NEB: variants seen among roughly 807,000 people sequenced by gnomAD.
The protein encoded by NEB is nemaline myopathy type 2.
A neutral mutation model predicts 952.2 loss-of-function variants in NEB; 512 were observed. That is an observed-to-expected ratio of 0.54 (90% confidence interval 0.50 to 0.58). NEB has a LOEUF of 0.58. Among genes scored for constraint, NEB ranks in the 20% least tolerant of loss-of-function variants. The pLI, the probability that NEB is intolerant of heterozygous loss-of-function variation, is 0.00. For synonymous variants in NEB, 2,900 were observed against 3,149.8 expected (o/e 0.92, Z 2.66); for missense variants, 8,428 against 9,231.1 (o/e 0.91, Z 3.56).
chr2:151,702,913 A>T (rs1263548953), intron 13 of NEB, among the ~76,000 whole-genome samples: 1 of 150,982 alleles, frequency 6.6e-6, no homozygotes, highest in African/African-American at 2.4e-5. Context: ...TGTCATTATG[A>T]TGTTAGCTTG....
intron 150 of NEB, 90 bp downstream of exon 150, chr2:151,525,868 A>G: frequency 1.0e-6 from 1 of 976,204 alleles, no homozygotes; most frequent in Non-Finnish European, 1.7e-6. Flanking sequence ...AAGCTACATA[A>G]AGGAAGCAAA....
rs770873566 is a variant in NEB at position 151,694,333 on chromosome 2, T to C, written c.1886A>G (p.Asn629Ser). ...KMLHSLKVAK[N>S]QSDRLYKENY... ...TACAAAGAAACTCACATCACTCTGGTTTTTGGCCACCTTCAAGGAGTGCAG... is the reference window on the plus strand; with the variant it reads ...TACAAAGAAACTCACATCACTCTGGCTTTTGGCCACCTTCAAGGAGTGCAG... The change falls in exon 20 of 182, where the codon AAC (asparagine) becomes AGC (serine). Residue 629 changes from asparagine (N) to serine (S), a missense_variant. Coordinates refer to ENST00000397345, the MANE Select transcript of NEB (RefSeq NM_001164508.2). The C allele has an allele frequency of 6.2e-7, 1 of 1,611,492 alleles. No homozygotes were observed. Among genetic ancestry groups the C allele is most frequent in the Non-Finnish European group, 8.5e-7 (1 of 1,178,004 alleles).
intron 158 of NEB, 72 bp from the exon 159 acceptor site, chr2:151,514,500 T>A (rs2076519731): frequency 1.6e-6 from 2 of 1,213,542 alleles, no homozygotes; most frequent in Admixed American, 3.4e-5. Flanking sequence ...AAGAAGAAAA[T>A]AAAAAACAAT....
intron 75 of NEB, 81 bp from the exon 76 acceptor site, chr2:151,616,190 T>A: frequency 1.0e-6 from 1 of 984,246 alleles, no homozygotes; most frequent in Non-Finnish European, 1.6e-6. Flanking sequence ...TTTGTCCTCA[T>A]TTAAACTTCA....
At chr2:151,731,801 T>C (rs1005787942) in intron 3 of NEB, among the ~76,000 whole-genome samples, 4 of 152,176 alleles carry the variant, frequency 2.6e-5, no homozygotes, top group African/African-American at 9.6e-5. Flanking sequence ...ATTATTATCA[T>C]AGGGAAGACA....
At position 151,706,904 on chromosome 2, in the gene NEB, C is replaced by T. The variant is rs1559481200; in HGVS notation, c.1129G>A (p.Ala377Thr). Reference protein sequence around the residue: ...SENPQLRQLKAAGDALSDKLY... With the variant: ...SENPQLRQLKTAGDALSDKLY... ...ACGTCACTTAGGGCATCTCCTGCTG[C>T]CTTCAGCTGCCTAAGCTGTGGGTTC... The change falls in exon 13 of 182, where the codon GCA becomes ACA. Residue 377 changes from alanine (A) to threonine (T), a missense_variant. Ala to Thr is a moderately conservative substitution (Grantham distance 58). This residue lies in a region of NEB where 2,851 missense variants were observed against 2,791.5 expected (regional missense o/e 1.02). Transcript: ENST00000397345. 1 of 1,605,072 alleles carries T rather than the reference C, an allele frequency of 6.2e-7. No individual in the cohort carries two copies. Among genetic ancestry groups the T allele is most frequent in the East Asian group, 2.2e-5 (1 of 44,814 alleles).
intron 95 of NEB, 89 bp downstream of exon 95, chr2:151,591,945 C>G (rs879138596): frequency 6.6e-7 from 1 of 1,504,646 alleles, no homozygotes; most frequent in Non-Finnish European, 9.1e-7. Flanking sequence ...GAAGAAAATG[C>G]CTTTTGACAA....
intron 105 of NEB, among the ~76,000 whole-genome samples, chr2:151,577,811 C>CT (rs2153819885): frequency 6.6e-6 from 1 of 152,298 alleles, no homozygotes; most frequent in East Asian, 1.9e-4. Context: ...AATTCTGGAC[C>CT]TTGTGATCCA....
At chr2:151,509,522 A>G (rs538529215) in intron 161 of NEB, among the ~76,000 whole-genome samples, 1 of 152,142 alleles carries the variant, frequency 6.6e-6, no homozygotes, top group African/African-American at 2.4e-5. Flanking sequence ...AGGGACCTGA[A>G]CTCCCTGGTG....
rs2096234308 is a variant in NEB at position 151,563,808 on chromosome 2, A to G, written c.18579+15T>C. 8.1e-6 allele frequency: 13 copies of G among 1,611,096 alleles called. No individual in the cohort carries two copies. The highest frequency in any genetic ancestry group is 9.3e-6 in the Non-Finnish European group (11 of 1,177,394). On this transcript the variant is annotated intron_variant, in intron 118 of 181. Transcript: ENST00000397345. ...AAAGACTCTCAAACTTAGGAGAGGA[A>G]AAGGTCATACTGACCTCACTGTTCA...
intron 12 of NEB, among the ~76,000 whole-genome samples, chr2:151,707,560 C>A (rs2149903618): frequency 6.6e-6 from 1 of 152,296 alleles, no homozygotes; most frequent in Admixed American, 6.5e-5. Flanking sequence ...GCTTTTCCTT[C>A]TGCTGTTCCT....
At chr2:151,704,429 C>T (rs2099694011) in intron 13 of NEB, among the ~76,000 whole-genome samples, 3 of 149,304 alleles carry the variant, frequency 2.0e-5, no homozygotes, top group African/African-American at 7.5e-5. Flanking sequence ...CTAATCAAGC[C>T]TGGGCAATGG....
At position 151,682,682 on chromosome 2, in the gene NEB, C is replaced by T. The variant is rs917645712; in HGVS notation, c.2923G>A (p.Ala975Thr). 2 of 1,612,732 alleles carry T rather than the reference C, an allele frequency of 1.2e-6. No individual in the cohort carries two copies. The highest frequency in any genetic ancestry group is 1.7e-6 in the Non-Finnish European group (2 of 1,179,266). Residue 975 changes from alanine to threonine, a missense_variant, in exon 29 of 182, where the codon GCT (alanine) becomes ACT (threonine). This residue lies in a region of NEB where 2,851 missense variants were observed against 2,791.5 expected (regional missense o/e 1.02). Transcript: ENST00000397345. ...GSLEMEKAKR[A>T]SDILNEKKYR... ...TTTACCTCATTGAGGATGTCTGAAGCTCGCTTTGCCTTTTCCATTTCTAAG... is the reference window on the plus strand; with the variant it reads ...TTTACCTCATTGAGGATGTCTGAAGTTCGCTTTGCCTTTTCCATTTCTAAG...
chr2:151,525,536 G>A (rs1017972896), intron 150 of NEB, among the ~76,000 whole-genome samples: 3 of 152,110 alleles, frequency 2.0e-5, no homozygotes, highest in African/African-American at 7.2e-5. Context: ...AAAAATATAT[G>A]GAACCATATG....
rs909797186 is a variant in NEB at position 151,510,306 on chromosome 2, T to C, written c.23347-2197A>G. Among the ~76,000 whole-genome samples the C allele has an allele frequency of 1.2e-4, 19 of 152,176 alleles. 1 individual carries two copies. Among genetic ancestry groups the C allele is most frequent in the African/African-American group, 4.6e-4 (19 of 41,450 alleles). On this transcript the variant is annotated intron_variant, in intron 161 of 181. Transcript: ENST00000397345. Reference sequence around the variant, plus strand: ...TGGGTCCTGTTAAGAATTCCTTCATTATTTTGTTATGCTTTAAGGCCCAGG... The same window carrying C: ...TGGGTCCTGTTAAGAATTCCTTCATCATTTTGTTATGCTTTAAGGCCCAGG...
chr2:151,509,027 T>TAGGGCTG (rs563284532), intron 161 of NEB, among the ~76,000 whole-genome samples: 1 of 152,230 alleles, frequency 6.6e-6, no homozygotes, highest in African/African-American at 2.4e-5. Context: ...TTTTAGTTTG[T>TAGGGCTG]AGGGCTGAGG....
chr2:151,545,949 T>C lies in NEB; in HGVS notation c.20516A>G (p.Lys6839Arg). 1 of 1,611,256 alleles carries C rather than the reference T, an allele frequency of 6.2e-7. No individual in the cohort carries two copies. Among genetic ancestry groups the C allele is most frequent in the Non-Finnish European group, 8.5e-7 (1 of 1,179,080 alleles). Residue 6839 changes from lysine to arginine, a missense_variant, in exon 135 of 182, where the codon AAA (lysine) becomes AGA (arginine). Coordinates refer to ENST00000397345, the MANE Select transcript of NEB (RefSeq NM_001164508.2). ...DKARKMRDKY[K>R]VVLDTPEYRK... ...GTATTCTGGAGTGTCAAGCACCACT[T>C]TGTATTTGTCTCGCATCTTCCTTGC...
In NEB at chr2:151,526,082, T is replaced by C. The variant is rs777255025; in HGVS notation, c.22051-14A>G. The C allele has an allele frequency of 1.2e-5, 19 of 1,612,750 alleles. No homozygotes were observed. Among genetic ancestry groups the C allele is most frequent in the Admixed American group, 1.7e-5 (1 of 59,990 alleles). Reference sequence around the variant, plus strand: ...CTTGTACTTGTTCTGGGGGAATCCATAGAGAGCTCATTAAGGCATCTGCCT... The same window carrying C: ...CTTGTACTTGTTCTGGGGGAATCCACAGAGAGCTCATTAAGGCATCTGCCT... On this transcript the variant is annotated splice_polypyrimidine_tract_variant and intron_variant, in intron 149 of 181. Coordinates refer to ENST00000397345, the MANE Select transcript of NEB (RefSeq NM_001164508.2).
intron 77 of NEB, 96 bp downstream of exon 77, chr2:151,614,180 G>T: frequency 7.4e-7 from 1 of 1,359,598 alleles, no homozygotes; most frequent in South Asian, 1.4e-5. Context: ...CTAAAGAGGT[G>T]TCTGTAGGTT....
Sources: allele counts gnomAD v4.1 joint callset (sites outside exome capture counted in the v4.1 genomes callset), GRCh38; gene constraint gnomAD v4.1.1; regional missense constraint gnomAD v4.1.1; transcripts MANE v1.5; gene names NCBI Gene and HGNC (gene_info 2026-07-23, HGNC 2026-07-21).